Variants in TOP1 observed in about 807,000 individuals in gnomAD.
The protein encoded by TOP1 is DNA topoisomerase I, also known as DNA topoisomerase 1.
Under a neutral mutation model 111.1 loss-of-function variants are expected in TOP1, and 10 were observed. The ratio of observed to expected loss-of-function variants is 0.09; its 90% CI spans 0.06 to 0.15. The LOEUF is 0.15. Ranked by LOEUF, TOP1 falls within the 10% of genes least tolerant of loss-of-function variation. The pLI is 1.00. For missense variants in TOP1, 474 were observed against 926.7 expected (o/e 0.51, Z 6.34); for synonymous variants, 271 against 302.9 (o/e 0.89, Z 1.10).
chr20:41,051,774 G>A (rs1285546738), intron 2 of TOP1, among the ~76,000 whole-genome samples: 1 of 151,936 alleles, frequency 6.6e-6, no homozygotes, highest in Non-Finnish European at 1.5e-5. Flanking sequence ...TTGGCTCGGT[G>A]GGCATTGTGA....
chr20:41,039,945 G>A (rs2033240366), intron 2 of TOP1, among the ~76,000 whole-genome samples: 2 of 152,276 alleles, frequency 1.3e-5, no homozygotes, highest in South Asian at 4.2e-4. Context: ...TTCCTGAGCA[G>A]GTAGGTTGTC....
intron 2 of TOP1, among the ~76,000 whole-genome samples, chr20:41,040,163 T>C (rs1215327749): frequency 2.0e-5 from 3 of 152,232 alleles, no homozygotes; most frequent in Non-Finnish European, 4.4e-5. Context: ...TATTGAAATA[T>C]TATTGCCCCT....
In TOP1 at chr20:41,087,958, C is replaced by T. The variant is rs192951100; in HGVS notation, c.614+3390C>T. Among the ~76,000 whole-genome samples, 152 of 152,088 alleles carry T rather than the reference C, an allele frequency of 1.0e-3. 1 individual carries two copies. Among genetic ancestry groups the T allele is most frequent in the African/African-American group, 3.2e-3 (134 of 41,468 alleles). On this transcript the variant is annotated intron_variant, in intron 8 of 20. Transcript: ENST00000361337. ...TTATTTGTTTTTAAATTGCGGGGGG[C>T]GGATATATGCACTCATGGGGAGGCT...
At chr20:41,088,044 GCTTAC>G (rs2033868772) in intron 8 of TOP1, among the ~76,000 whole-genome samples, 5 of 152,186 alleles carry the variant, frequency 3.3e-5, no homozygotes, top group Non-Finnish European at 7.3e-5. Context: ...AGTCACATGA[GCTTAC>G]TGAAACAGAT....
chr20:41,048,445 A>G, intron 2 of TOP1, among the ~76,000 whole-genome samples: 1 of 152,238 alleles, frequency 6.6e-6, no homozygotes. Context: ...ATGGGCCAAG[A>G]CAATTTTTAA....
intron 14 of TOP1, 77 bp from the exon 15 acceptor site, chr20:41,113,893 A>G: frequency 8.0e-7 from 1 of 1,248,156 alleles, no homozygotes; most frequent in Middle Eastern, 2.0e-4. Flanking sequence ...AAAAAAAAAA[A>G]AAAAAACACA....
rs768254183 is a variant in TOP1 at position 41,115,457 on chromosome 20, A to G, written c.1707+18A>G. 1 of 1,601,108 alleles carries G rather than the reference A, an allele frequency of 6.2e-7. No individual in the cohort carries two copies. The highest frequency in any genetic ancestry group is 8.6e-7 in the Non-Finnish European group (1 of 1,168,368). ...GACTCAATGTGAGTAGATGAAGCACACAATGTTGAAGGGAGTCCCAGCCAG... is the reference window on the plus strand; with the variant it reads ...GACTCAATGTGAGTAGATGAAGCACGCAATGTTGAAGGGAGTCCCAGCCAG... On this transcript the variant is annotated intron_variant, in intron 16 of 20. Coordinates refer to ENST00000361337, the MANE Select transcript of TOP1 (RefSeq NM_003286.4). This position sits in a 1 kb window ranked among gnomAD's most constrained non-coding sequence, Gnocchi z 6.3.
rs1160757864 is a variant in TOP1, at chr20:41,034,915, G to T, written c.58+5460G>T. Reference sequence around the variant, plus strand: ...TTTGGGCGGGGTGGGGGGCAGACAGGGTTTCTGTTTGTTGCCCGGGCTGGA... The same window carrying T: ...TTTGGGCGGGGTGGGGGGCAGACAGTGTTTCTGTTTGTTGCCCGGGCTGGA... On this transcript the variant is annotated intron_variant, in intron 2 of 20. Coordinates refer to ENST00000361337, the MANE Select transcript of TOP1 (RefSeq NM_003286.4). This position sits in a 1 kb window ranked among gnomAD's most constrained non-coding sequence, Gnocchi z 4.0. Among the ~76,000 whole-genome samples the T allele has an allele frequency of 6.6e-6, 1 of 151,978 alleles. No homozygotes were observed. Among genetic ancestry groups the T allele is most frequent in the African/African-American group, 2.4e-5 (1 of 41,366 alleles).
rs2034013040 is a variant in TOP1 at position 41,098,514 on chromosome 20, T to G, written c.975+177T>G. On this transcript the variant is annotated intron_variant, in intron 11 of 20. Transcript: ENST00000361337. This position sits in a 1 kb window ranked among gnomAD's most constrained non-coding sequence, Gnocchi z 5.7. ...TAAAGGTTTTAGTTAGACTGAAAAT[T>G]GTGAACAAGTACTTTGCTCAGTAGC... The G allele has an allele frequency of 1.2e-5, 8 of 672,252 alleles. No homozygotes were observed. The highest frequency in any genetic ancestry group is 6.6e-5 in the Admixed American group (2 of 30,254). The allele number at this position is 672,252 out of a possible 1,614,324, so 41.6% of individuals were successfully genotyped here.
intron 2 of TOP1, among the ~76,000 whole-genome samples, chr20:41,036,968 C>G (rs531664147): frequency 1.8e-3 from 271 of 151,716 alleles, no homozygotes; most frequent in African/African-American, 6.4e-3. Flanking sequence ...GTTGCTGGGA[C>G]TACAGGCGCC....
chr20:41,121,849 A>C lies in TOP1; in HGVS notation c.2045+59A>C. 1 of 1,579,856 alleles carries C rather than the reference A, an allele frequency of 6.3e-7. No individual in the cohort carries two copies. The highest frequency in any genetic ancestry group is 1.1e-5 in the South Asian group (1 of 90,010). On this transcript the variant is annotated intron_variant, in intron 19 of 20. Coordinates refer to ENST00000361337, the MANE Select transcript of TOP1 (RefSeq NM_003286.4). The surrounding 1 kb of genome is among the most constrained non-coding windows in gnomAD (Gnocchi z 4.2). ...TAGAGAAAAGTGTGCAGCATCTGTC[A>C]GGGCCCCTGGGGCCCTGGCTTTTCG...
chr20:41,037,857 T>G (rs911943516), intron 2 of TOP1, among the ~76,000 whole-genome samples: 4 of 152,180 alleles, frequency 2.6e-5, no homozygotes, highest in Admixed American at 1.3e-4. Context: ...CACAGAAGCA[T>G]CACAACAGGC....
chr20:41,112,205 T>G lies in TOP1; in HGVS notation c.1309-577T>G, dbSNP rs2034253883. 6.6e-6 allele frequency among the ~76,000 whole-genome samples: 1 copy of G among 152,210 alleles called. No individual in the cohort carries two copies. Among genetic ancestry groups the G allele is most frequent in the Non-Finnish European group, 1.5e-5 (1 of 68,044 alleles). On this transcript the variant is annotated intron_variant, in intron 13 of 20. Coordinates refer to ENST00000361337, the MANE Select transcript of TOP1 (RefSeq NM_003286.4). This position sits in a 1 kb window ranked among gnomAD's most constrained non-coding sequence, Gnocchi z 5.8. ...TCTTTGGTTCTGCTTCTTTGACAGC[T>G]CCACCACACTGTAATTTAATGGAAT...
chr20:41,091,674 A>G (rs964095769), intron 8 of TOP1, among the ~76,000 whole-genome samples: 1 of 144,126 alleles, frequency 6.9e-6, no homozygotes, highest in Non-Finnish European at 1.5e-5. Flanking sequence ...CTCGTGCCTC[A>G]GCCTCCTGAG....
At chr20:41,033,831 G>A (rs537203748) in intron 2 of TOP1, among the ~76,000 whole-genome samples, 3 of 152,276 alleles carry the variant, frequency 2.0e-5, no homozygotes, top group East Asian at 3.9e-4. Context: ...CCTCAGAAGT[G>A]TGTTTTGTGA....
At position 41,100,814 on chromosome 20, in the gene TOP1, T is replaced by C. The variant is rs1336650669; in HGVS notation, c.1164-395T>C. The C allele has an allele frequency of 1.7e-5, 3 of 173,568 alleles. No individual in the cohort carries two copies. The highest frequency in any genetic ancestry group is 1.5e-4 in the East Asian group (1 of 6,688). The allele number at this position is 173,568 out of a possible 1,614,324, so 10.8% of individuals were successfully genotyped here. ...GGGCCTTTATTAAGTAAAAGAAGGA[T>C]TACTTGAACACAAGCAATGTAAAAC... On this transcript the variant is annotated intron_variant, in intron 12 of 20. Coordinates refer to ENST00000361337, the MANE Select transcript of TOP1 (RefSeq NM_003286.4). The surrounding 1 kb of genome is among the most constrained non-coding windows in gnomAD (Gnocchi z 4.4).
rs913791964 is a variant in TOP1, at chr20:41,115,207, T to C, written c.1639-164T>C. On this transcript the variant is annotated intron_variant, in intron 15 of 20. Transcript: ENST00000361337. The surrounding 1 kb of genome is among the most constrained non-coding windows in gnomAD (Gnocchi z 6.3). ...GGAGAGAGTGAGCATACATGCACACTGTGCAAATGATGAATGGGGTAAAAT... is the reference window on the plus strand; with the variant it reads ...GGAGAGAGTGAGCATACATGCACACCGTGCAAATGATGAATGGGGTAAAAT... Among the ~76,000 whole-genome samples, 1 of 152,058 alleles carries C rather than the reference T, an allele frequency of 6.6e-6. No homozygotes were observed. Among genetic ancestry groups the C allele is most frequent in the Non-Finnish European group, 1.5e-5 (1 of 68,000 alleles).
Position 41,112,220 on chromosome 20 carries a change from T to A in TOP1, c.1309-562T>A, listed in dbSNP as rs2034254220. Reference sequence around the variant, plus strand: ...CTTTGACAGCTCCACCACACTGTAATTTAATGGAATTCACTTAGATTTAAT... The same window carrying A: ...CTTTGACAGCTCCACCACACTGTAAATTAATGGAATTCACTTAGATTTAAT... On this transcript the variant is annotated intron_variant, in intron 13 of 20. Transcript: ENST00000361337. This position sits in a 1 kb window ranked among gnomAD's most constrained non-coding sequence, Gnocchi z 5.8. Among the ~76,000 whole-genome samples the A allele has an allele frequency of 6.6e-6, 1 of 152,226 alleles. No homozygotes were observed. Among genetic ancestry groups the A allele is most frequent in the Non-Finnish European group, 1.5e-5 (1 of 68,036 alleles).
At chr20:41,044,324 C>T (rs1600556181) in intron 2 of TOP1, among the ~76,000 whole-genome samples, 1 of 152,160 alleles carries the variant, frequency 6.6e-6, no homozygotes, top group African/African-American at 2.4e-5. Flanking sequence ...GGGTCTTGTA[C>T]TAGTTAATTA....
Sources: gnomAD v4.1 joint callset for allele counts (sites outside exome capture counted in the v4.1 genomes callset) on GRCh38, gnomAD v4.1.1 for gene constraint, Gnocchi (gnomAD v3.1) non-coding constraint, MANE v1.5 for transcripts, NCBI Gene and HGNC (gene_info 2026-07-23, HGNC 2026-07-21) for gene names.